CCAR1: variants seen among roughly 807,000 people sequenced by gnomAD.
CCAR1 encodes cell division cycle and apoptosis regulator protein 1.
CCAR1 carries 78 observed loss-of-function variants against 163.8 expected under a neutral mutation model. That is an observed-to-expected ratio of 0.48 (90% CI 0.40 to 0.57). The LOEUF (loss-of-function observed/expected upper bound fraction) is 0.57, where lower values mean the gene tolerates loss of function less well. Ranked by LOEUF, CCAR1 falls within the 20% of genes least tolerant of loss-of-function variation. The pLI, the probability that CCAR1 is intolerant of heterozygous loss-of-function variation, is 0.00. For missense variants in CCAR1, 1,019 were observed against 1,365.2 expected (o/e 0.75, Z 4.00); for synonymous variants, 443 against 460.7 (o/e 0.96, Z 0.49).
intron 9 of CCAR1, 104 bp from the exon 10 acceptor site, chr10:68,749,420 A>AT: frequency 7.9e-7 from 1 of 1,258,936 alleles, no homozygotes; most frequent in Non-Finnish European, 1.1e-6. Context: ...AGTTAAACAA[A>AT]TATACTGTGG....
intron 2 of CCAR1, among the ~76,000 whole-genome samples, chr10:68,729,507 G>A (rs2056002892): frequency 6.6e-6 from 1 of 151,778 alleles, no homozygotes; most frequent in Admixed American, 6.6e-5. Context: ...CTGACCTTGT[G>A]ATCCACCCGC....
intron 17 of CCAR1, among the ~76,000 whole-genome samples, chr10:68,769,940 C>CAAA (rs10527624): frequency 1.0e-4 from 7 of 69,920 alleles, no homozygotes; most frequent in African/African-American, 3.6e-4. Context: ...GACTCTGTCT[C>CAAA]AAAAAAAAAA....
intron 19 of CCAR1, among the ~76,000 whole-genome samples, chr10:68,774,114 A>T (rs745824833): frequency 6.6e-6 from 1 of 150,930 alleles, no homozygotes; most frequent in Non-Finnish European, 1.5e-5. Flanking sequence ...CTGGTCTCGA[A>T]CTCCCCACCT....
intron 8 of CCAR1, among the ~76,000 whole-genome samples, chr10:68,748,385 A>G (rs1276575179): frequency 6.6e-6 from 1 of 151,866 alleles, no homozygotes; most frequent in Admixed American, 6.6e-5. Context: ...GGGCGATAAG[A>G]GCAAAACTCT....
At chr10:68,764,940 A>G (rs892787658) in intron 16 of CCAR1, among the ~76,000 whole-genome samples, 16 of 152,212 alleles carry the variant, frequency 1.1e-4, no homozygotes, top group Non-Finnish European at 2.4e-4. Context: ...CTAAATTTGT[A>G]TGGGATTTGA....
chr10:68,734,488 C>CT (rs569816521), intron 2 of CCAR1, among the ~76,000 whole-genome samples: 78 of 147,914 alleles, frequency 5.3e-4, no homozygotes, highest in Non-Finnish European at 9.5e-4. Context: ...ATTCCATTTC[C>CT]TTTTTTTTTT....
chr10:68,735,020 T>C (rs1290433039), intron 2 of CCAR1, among the ~76,000 whole-genome samples: 2 of 152,198 alleles, frequency 1.3e-5, no homozygotes, highest in Admixed American at 6.6e-5. Context: ...TGAATTGTTT[T>C]TTAATTTCTC....
chr10:68,786,100 A>G (rs1178722791), intron 19 of CCAR1, 36 bp from the exon 20 acceptor site: 1 of 1,399,508 alleles, frequency 7.1e-7, no homozygotes, highest in Admixed American at 1.7e-5. Flanking sequence ...TATGTGTATT[A>G]ATGACTTTTT....
intron 19 of CCAR1, among the ~76,000 whole-genome samples, chr10:68,778,820 C>T (rs113667428): frequency 6.5e-4 from 99 of 152,182 alleles, no homozygotes; most frequent in African/African-American, 2.2e-3. Context: ...TTTTATATCT[C>T]ATGATCCTGT....
At chr10:68,775,967 T>C (rs1361646514) in intron 19 of CCAR1, among the ~76,000 whole-genome samples, 1 of 151,708 alleles carries the variant, frequency 6.6e-6, no homozygotes, top group Non-Finnish European at 1.5e-5. Flanking sequence ...AGTGCTGGAG[T>C]TATAGACATG....
At chr10:68,730,758 C>G (rs1015789849) in intron 2 of CCAR1, among the ~76,000 whole-genome samples, 1 of 152,114 alleles carries the variant, frequency 6.6e-6, no homozygotes, top group Non-Finnish European at 1.5e-5. Flanking sequence ...GTGGTGCAGT[C>G]ACGCTCGCTG....
At chr10:68,789,057 G>A (rs1200688090) in intron 23 of CCAR1, among the ~76,000 whole-genome samples, 3 of 151,604 alleles carry the variant, frequency 2.0e-5, no homozygotes, top group Non-Finnish European at 2.9e-5. Context: ...CTACAGGTGC[G>A]TGTCACCACG....
rs1438950489 is a variant in CCAR1, at chr10:68,791,562, G to C, written c.*296G>C. 5.4e-6 allele frequency: 1 copy of C among 183,998 alleles called. No homozygotes were observed. Among genetic ancestry groups the C allele is most frequent in the African/African-American group, 2.3e-5 (1 of 42,706 alleles). 11.4% of individuals were successfully genotyped at this position (183,998 alleles called of 1,614,324 possible). A position where few individuals can be genotyped will look rare whatever the true frequency, so the allele number is the denominator to read the frequency against. ...AAGTTCATCAGTTTAATTGACTGTAGTATTTAATTACCAAATTTCTTTTAT... is the reference window on the plus strand; with the variant it reads ...AAGTTCATCAGTTTAATTGACTGTACTATTTAATTACCAAATTTCTTTTAT... On this transcript the variant is annotated 3_prime_UTR_variant, in exon 25 of 25. Transcript: ENST00000265872.
At chr10:68,768,158 A>T (rs753423779) in intron 17 of CCAR1, among the ~76,000 whole-genome samples, 1 of 152,242 alleles carries the variant, frequency 6.6e-6, no homozygotes, top group Non-Finnish European at 1.5e-5. Flanking sequence ...TTACTGAGGC[A>T]ATTATGAAAC....
intron 16 of CCAR1, among the ~76,000 whole-genome samples, chr10:68,763,316 A>C (rs140622072): frequency 0.011 from 1,731 of 151,468 alleles, 39 homozygotes; most frequent in African/African-American, 0.039. Flanking sequence ...ATGCCCAGCT[A>C]ATTTTTGTAT....
intron 17 of CCAR1, among the ~76,000 whole-genome samples, chr10:68,769,595 G>A (rs1041552566): frequency 6.7e-6 from 1 of 149,394 alleles, no homozygotes; most frequent in Non-Finnish European, 1.5e-5. Flanking sequence ...ACTCCAGCCT[G>A]AGCAACAAGA....
At chr10:68,738,419 A>C in intron 4 of CCAR1, among the ~76,000 whole-genome samples, 1 of 151,946 alleles carries the variant, frequency 6.6e-6, no homozygotes, top group Non-Finnish European at 1.5e-5. Context: ...CAAGAGCGAA[A>C]CTCTGTCTCA....
intron 16 of CCAR1, among the ~76,000 whole-genome samples, chr10:68,761,644 C>G (rs2056472417): frequency 6.6e-6 from 1 of 150,754 alleles, no homozygotes; most frequent in Non-Finnish European, 1.5e-5. Context: ...CTCTTGTTGC[C>G]TAGGAGGGAG....
chr10:68,758,082 T>A (rs2133369022), intron 15 of CCAR1, among the ~76,000 whole-genome samples: 1 of 151,998 alleles, frequency 6.6e-6, no homozygotes, highest in African/African-American at 2.4e-5. Flanking sequence ...TGAGACAGAG[T>A]CTTGCTGTGT....
Sources: allele counts gnomAD v4.1 joint callset (sites outside exome capture counted in the v4.1 genomes callset), GRCh38; gene constraint gnomAD v4.1.1; transcripts MANE v1.5; gene names NCBI Gene and HGNC (gene_info 2026-07-23, HGNC 2026-07-21).